Variants in USP25 observed in about 807,000 individuals in gnomAD.
The protein encoded by USP25 is ubiquitin specific peptidase 25, also known as ubiquitin carboxyl-terminal hydrolase 25.
In USP25, 85 loss-of-function variants were observed where a neutral mutation model predicts 158.5. That is an observed-to-expected ratio of 0.54 (90% CI 0.45 to 0.64). The LOEUF is 0.64. Among genes scored for constraint, USP25 ranks in the 30% least tolerant of loss-of-function variants. USP25 has a pLI of 0.00. For synonymous variants in USP25, 464 were observed against 460.4 expected (o/e 1.01, Z -0.10); for missense variants, 1,242 against 1,327.3 (o/e 0.94, Z 1.00).
At chr21:15,802,868 G>A (rs2036200444) in intron 6 of USP25, among the ~76,000 whole-genome samples, 1 of 151,592 alleles carries the variant, frequency 6.6e-6, no homozygotes, top group Non-Finnish European at 1.5e-5. Flanking sequence ...ACCAAAAACT[G>A]CTTCTTGAGA....
chr21:15,786,155 G>C (rs1349631589), intron 4 of USP25, among the ~76,000 whole-genome samples: 1 of 152,080 alleles, frequency 6.6e-6, no homozygotes, highest in Non-Finnish European at 1.5e-5. Context: ...AACTGCTAAA[G>C]CCTGACATAA....
intron 5 of USP25, among the ~76,000 whole-genome samples, chr21:15,798,722 T>C (rs981135176): frequency 3.0e-4 from 45 of 151,460 alleles, no homozygotes; most frequent in Non-Finnish European, 5.8e-4. Context: ...AATTTTTTTT[T>C]ACAGTTTCTG....
At chr21:15,811,061 TTA>T (rs1159540816) in intron 8 of USP25, 74 bp from the exon 9 acceptor site, 20 of 1,302,328 alleles carry the variant, frequency 1.5e-5, no homozygotes, top group African/African-American at 3.0e-5. Context: ...TTGTCATATG[TTA>T]TAGTTCTTTA....
At chr21:15,856,117 A>T (rs2039125763) in intron 20 of USP25, among the ~76,000 whole-genome samples, 1 of 152,188 alleles carries the variant, frequency 6.6e-6, no homozygotes, top group Non-Finnish European at 1.5e-5. Flanking sequence ...TGTAGCTGGG[A>T]TAATGATGGA....
chr21:15,824,917 T>C, intron 11 of USP25, 49 bp from the exon 12 acceptor site: 1 of 1,480,528 alleles, frequency 6.8e-7, no homozygotes, highest in Non-Finnish European at 9.4e-7. Context: ...CCATATTGCA[T>C]CTACTTTCAT....
At chr21:15,760,305 T>G (rs1026651475) in intron 1 of USP25, among the ~76,000 whole-genome samples, 1 of 152,186 alleles carries the variant, frequency 6.6e-6, no homozygotes, top group Non-Finnish European at 1.5e-5. Context: ...TTATCCTACC[T>G]AGAACTTGGA....
chr21:15,842,458 A>G lies in USP25; in HGVS notation c.2255A>G (p.His752Arg). 1 of 1,613,852 alleles carries G rather than the reference A, an allele frequency of 6.2e-7. No individual in the cohort carries two copies. Residue 752 changes from histidine to arginine, a missense_variant, in exon 18 of 26, where the codon CAC becomes CGC. By Grantham distance (29) the His-to-Arg change is conservative (BLOSUM62 0). Around this residue, in one of 3 missense-constraint regions of USP25, gnomAD observed 608 missense variants for 605.2 expected, o/e 1.00. Coordinates refer to ENST00000400183, the MANE Select transcript of USP25 (RefSeq NM_001283041.3). ...CCATCAAGAAGTGATTTCTCAAAGC[A>G]CTTGAAAGAAGAAACTATTCAAATA... Reference protein sequence around the residue: ...EQPSRSDFSKHLKEETIQIIT... With the variant: ...EQPSRSDFSKRLKEETIQIIT...
chr21:15,845,590 C>T (rs1167604208), intron 18 of USP25, among the ~76,000 whole-genome samples: 1 of 152,068 alleles, frequency 6.6e-6, no homozygotes, highest in Non-Finnish European at 1.5e-5. Context: ...TTTATGTTCC[C>T]TAAGTGCAAT....
In USP25 at chr21:15,755,012, G is replaced by GGT. The variant is rs149408758; in HGVS notation, c.46-7869_46-7868dup. The stretch of plus-strand genomic sequence containing the variant: ...AGATGCAGAGGTTTTTGCAAAATCA[G>GGT]GTGTGTGTGTGATTACTCACTTTAA... On this transcript the variant is annotated intron_variant, in intron 1 of 25. Coordinates refer to ENST00000400183, the MANE Select transcript of USP25 (RefSeq NM_001283041.3). Among the ~76,000 whole-genome samples the GGT allele has an allele frequency of 2.4e-3, 371 of 152,242 alleles. 5 individuals are homozygous for GGT. Among genetic ancestry groups the GGT allele is most frequent in the African/African-American group, 8.4e-3 (351 of 41,552 alleles).
intron 12 of USP25, among the ~76,000 whole-genome samples, chr21:15,825,864 G>C (rs1168887463): frequency 6.6e-6 from 1 of 152,136 alleles, no homozygotes; most frequent in African/African-American, 2.4e-5. Context: ...ACACATCACT[G>C]TCTTGATCAT....
intron 1 of USP25, chr21:15,744,992 T>G (rs2032411290): frequency 6.6e-6 from 1 of 152,322 alleles, no homozygotes. Flanking sequence ...GCAAGAGGGC[T>G]GACTGACCAC....
At chr21:15,791,804 G>C in intron 5 of USP25, 140 bp downstream of exon 5, 2 of 817,862 alleles carry the variant, frequency 2.4e-6, no homozygotes, top group Non-Finnish European at 3.5e-6. Context: ...AAACTAGCTT[G>C]GGGATTGAAG....
At chr21:15,773,923 T>C (rs1369574452) in intron 3 of USP25, among the ~76,000 whole-genome samples, 1 of 152,192 alleles carries the variant, frequency 6.6e-6, no homozygotes, top group Non-Finnish European at 1.5e-5. Context: ...AGAGGAGAAC[T>C]AGAGTCTCCA....
chr21:15,866,930 T>A (rs1316022643), intron 22 of USP25, among the ~76,000 whole-genome samples: 1 of 152,164 alleles, frequency 6.6e-6, no homozygotes, highest in African/African-American at 2.4e-5. Flanking sequence ...TGCACTACAC[T>A]GTGCAACTGT....
Position 15,791,634 on chromosome 21 carries a change from C to A in USP25, c.525C>A (p.Gly175=), listed in dbSNP as rs1160895012. ...CTCCCGTTGGGCTAAAGAATGTTGG[C>A]AATACTTGTTGGTTTAGTGCTGTTA... is the stretch of plus-strand genomic sequence containing the variant. The part of the protein sequence containing the change: ...DKAPVGLKNV[G]NTCWFSAVIQ... The change falls in exon 5 of 26, where the codon GGC becomes GGA. Residue 175 remains glycine (G), a synonymous_variant. Coordinates refer to ENST00000400183, the MANE Select transcript of USP25 (RefSeq NM_001283041.3). 17 of 1,610,492 alleles carry A rather than the reference C, an allele frequency of 1.1e-5. No homozygotes were observed. The highest frequency in any genetic ancestry group is 1.4e-5 in the Non-Finnish European group (17 of 1,177,848).
intron 1 of USP25, among the ~76,000 whole-genome samples, chr21:15,750,214 GTTTTTTTTT>G (rs35867462): frequency 2.1e-4 from 14 of 65,634 alleles, no homozygotes; most frequent in East Asian, 8.9e-4. Context: ...GTGTGTGTAT[GTTTTTTTTT>G]TTTTTTTTTT....
intron 1 of USP25, among the ~76,000 whole-genome samples, chr21:15,762,590 A>G (rs530823994): frequency 6.6e-6 from 1 of 152,318 alleles, no homozygotes; most frequent in African/African-American, 2.4e-5. Flanking sequence ...GTTAGGTGGC[A>G]TAAATGAGGG....
chr21:15,741,968 T>C (rs2123225894), intron 1 of USP25, among the ~76,000 whole-genome samples: 1 of 152,328 alleles, frequency 6.6e-6, no homozygotes, highest in South Asian at 2.1e-4. Flanking sequence ...ATGATACATA[T>C]TTTATTACAC....
At chr21:15,750,896 G>T (rs550079657) in intron 1 of USP25, among the ~76,000 whole-genome samples, 14 of 152,256 alleles carry the variant, frequency 9.2e-5, no homozygotes, top group African/African-American at 3.4e-4. Context: ...TGGATTACAG[G>T]CATGAGCCAC....
Sources: gnomAD v4.1 joint callset for allele counts (sites outside exome capture counted in the v4.1 genomes callset) on GRCh38, gnomAD v4.1.1 for gene constraint, gnomAD v4.1.1 regional missense constraint, MANE v1.5 for transcripts, NCBI Gene and HGNC (gene_info 2026-07-23, HGNC 2026-07-21) for gene names.